DAAM2: variants seen among roughly 807,000 people sequenced by gnomAD.
DAAM2 encodes disheveled-associated activator of morphogenesis 2.
Under a neutral mutation model 120.7 loss-of-function variants are expected in DAAM2, and 39 were observed. That is an observed-to-expected ratio of 0.32 (90% CI 0.25 to 0.42). DAAM2 has a LOEUF of 0.42. Among genes scored for constraint, DAAM2 ranks in the 10% least tolerant of loss-of-function variants. DAAM2 has a pLI of 1.00. For synonymous variants in DAAM2, 488 were observed against 524.9 expected, an observed-to-expected ratio of 0.93 and a Z score of 0.96; for missense variants, 1,283 against 1,401.7, an observed-to-expected ratio of 0.92 and a Z score of 1.35.
intron 9 of DAAM2, among the ~76,000 whole-genome samples, chr6:39,872,087 C>T (rs1263491274): frequency 2.0e-5 from 3 of 152,104 alleles, no homozygotes; most frequent in African/African-American, 7.2e-5. Flanking sequence ...GAGGAGCCCA[C>T]AGGGTGGAGT....
At chr6:39,855,689 T>C (rs1343168493) in intron 1 of DAAM2, among the ~76,000 whole-genome samples, 1 of 152,176 alleles carries the variant, frequency 6.6e-6, no homozygotes, top group Non-Finnish European at 1.5e-5. Context: ...CAAGCCTCTG[T>C]AGTCTTCCGT....
chr6:39,820,954 T>C (rs1762468841), intron 1 of DAAM2: 2 of 152,204 alleles, frequency 1.3e-5, no homozygotes, highest in Non-Finnish European at 2.9e-5. Context: ...TAGAGGAAAG[T>C]AGGTGAGTTC....
chr6:39,864,523 T>G lies in DAAM2; in HGVS notation c.333+16T>G. On this transcript the variant is annotated intron_variant, in intron 4 of 24. Transcript: ENST00000274867. ...CATGGCTGCGGTGAGTGGCTGCCCC[T>G]CTCCTGCCCTGCCCCCACCTGGAAA... is the stretch of plus-strand genomic sequence containing the variant. 6.3e-7 allele frequency: 1 copy of G among 1,596,558 alleles called. No homozygotes were observed.
chr6:39,824,454 G>GT (rs1365453991), intron 1 of DAAM2, among the ~76,000 whole-genome samples: 6 of 152,196 alleles, frequency 3.9e-5, no homozygotes, highest in Admixed American at 2.0e-4. Flanking sequence ...GTCCCTGTTT[G>GT]TTTTGACATC....
At chr6:39,856,502 A>G (rs1764010986) in intron 2 of DAAM2, 32 bp downstream of exon 2, 2 of 1,385,536 alleles carry the variant, frequency 1.4e-6, no homozygotes, top group Admixed American at 3.0e-5. Context: ...GACAGTGACA[A>G]TGGGGAGGAG....
intron 1 of DAAM2, among the ~76,000 whole-genome samples, chr6:39,801,424 G>C (rs1319706611): frequency 6.6e-6 from 1 of 152,082 alleles, no homozygotes; most frequent in African/African-American, 2.4e-5. Context: ...CCTTGTTGCC[G>C]ACCTGCCTGG....
chr6:39,898,613 T>C (rs1304151303), intron 21 of DAAM2, among the ~76,000 whole-genome samples: 1 of 152,246 alleles, frequency 6.6e-6, no homozygotes, highest in East Asian at 1.9e-4. Flanking sequence ...GTTGGAAATC[T>C]TCTGATATTG....
intron 1 of DAAM2, among the ~76,000 whole-genome samples, chr6:39,841,669 A>T (rs1763346148): frequency 1.3e-5 from 2 of 152,076 alleles, no homozygotes; most frequent in South Asian, 4.1e-4. Context: ...AACACTGGGC[A>T]CTGAGGAGGG....
chr6:39,890,973 A>G (rs1022006732), intron 17 of DAAM2, among the ~76,000 whole-genome samples: 4 of 151,924 alleles, frequency 2.6e-5, no homozygotes, highest in African/African-American at 9.7e-5. Context: ...ACATGCCTAT[A>G]TTCCCAGCTA....
chr6:39,800,703 C>T (rs554362968), intron 1 of DAAM2, among the ~76,000 whole-genome samples: 24 of 152,322 alleles, frequency 1.6e-4, no homozygotes, highest in Admixed American at 3.3e-4. Context: ...ACCCTGAAAC[C>T]AATGATGGTG....
chr6:39,809,145 A>C (rs1048608023), intron 1 of DAAM2, among the ~76,000 whole-genome samples: 6 of 152,214 alleles, frequency 3.9e-5, no homozygotes, highest in African/African-American at 9.7e-5. Context: ...TGTGAGAGCA[A>C]GGAGTGGTGT....
intron 1 of DAAM2, among the ~76,000 whole-genome samples, chr6:39,831,819 G>A (rs1400891940): frequency 1.2e-5 from 1 of 82,920 alleles, no homozygotes; most frequent in Non-Finnish European, 2.5e-5. Context: ...TGCAGTGCAG[G>A]GACCAGAGCA....
At chr6:39,859,601 A>G (rs1582687372) in intron 2 of DAAM2, among the ~76,000 whole-genome samples, 1 of 152,240 alleles carries the variant, frequency 6.6e-6, no homozygotes, top group African/African-American at 2.4e-5. Flanking sequence ...TGTAAAATGC[A>G]CACCAGATTT....
At chr6:39,875,153 G>A (rs1764818000) in intron 10 of DAAM2, among the ~76,000 whole-genome samples, 177 bp from the exon 11 acceptor site, 1 of 152,182 alleles carries the variant, frequency 6.6e-6, no homozygotes, top group Non-Finnish European at 1.5e-5. Flanking sequence ...ATCAAGAGAT[G>A]ACTGAATCAG....
At chr6:39,871,652 G>C in intron 9 of DAAM2, 80 bp downstream of exon 9, 1 of 1,338,452 alleles carries the variant, frequency 7.5e-7, no homozygotes, top group South Asian at 1.3e-5. Flanking sequence ...TCTAGACCCC[G>C]TGTTGTGGCA....
At chr6:39,840,644 TGAAGGAAGGAGATG>T (rs1763288430) in intron 1 of DAAM2, among the ~76,000 whole-genome samples, 1 of 152,000 alleles carries the variant, frequency 6.6e-6, no homozygotes, top group South Asian at 2.1e-4. Flanking sequence ...TGAATTAGTC[TGAAGGAAGGAGATG>T]GAGGGGAGTT....
intron 1 of DAAM2, among the ~76,000 whole-genome samples, chr6:39,834,753 A>G (rs1265887123): frequency 6.6e-6 from 1 of 152,226 alleles, no homozygotes; most frequent in Non-Finnish European, 1.5e-5. Context: ...CACCACATGC[A>G]TTTGGATTCA....
chr6:39,850,049 G>C (rs2149271327), intron 1 of DAAM2, among the ~76,000 whole-genome samples: 1 of 145,128 alleles, frequency 6.9e-6, no homozygotes. Context: ...AGCCCCAGGG[G>C]ACCTGGTGGG....
At position 39,902,256 on chromosome 6, in the gene DAAM2, GC is replaced by G. The variant is rs1766538552; in HGVS notation, c.*223del. 4.4e-6 allele frequency: 2 copies of G among 451,076 alleles called. No individual in the cohort carries two copies. The highest frequency in any genetic ancestry group is 7.8e-6 in the Non-Finnish European group (2 of 257,092). The allele number at this position is 451,076 out of a possible 1,614,324, so 27.9% of individuals were successfully genotyped here. On this transcript the variant is annotated 3_prime_UTR_variant, in exon 25 of 25. Transcript: ENST00000274867. ...TTCACATGATTCCTTCTGTGCCCTG[GC>G]CCCAGGTATTATTCTGAGGCTGCCT...
Sources: gnomAD v4.1 joint callset for allele counts (sites outside exome capture counted in the v4.1 genomes callset) on GRCh38, gnomAD v4.1.1 for gene constraint, MANE v1.5 for transcripts, NCBI Gene and HGNC (gene_info 2026-07-23, HGNC 2026-07-21) for gene names.